MGAT4C: variants seen among roughly 807,000 people sequenced by gnomAD.
MGAT4C encodes the protein MGAT4 family member C.
A neutral mutation model predicts 40.1 loss-of-function variants in MGAT4C; 19 were observed. The ratio of observed to expected loss-of-function variants is 0.47; its 90% confidence interval spans 0.33 to 0.70. MGAT4C has a LOEUF of 0.70. Ranked by LOEUF, MGAT4C falls within the 30% of genes least tolerant of loss-of-function variation. The pLI is 0.02. For synonymous variants in MGAT4C, 181 were observed against 187.1 expected (o/e 0.97, Z 0.27); for missense variants, 491 against 563.2 (o/e 0.87, Z 1.30).
At chr12:86,230,451 T>C (rs1030073884) in intron 1 of MGAT4C, among the ~76,000 whole-genome samples, 23 of 152,164 alleles carry the variant, frequency 1.5e-4, no homozygotes, top group Non-Finnish European at 5.9e-5. Context: ...CCTTTTCAAT[T>C]ACATCCATCC....
intron 1 of MGAT4C, among the ~76,000 whole-genome samples, chr12:86,211,934 T>A (rs2135960875): frequency 6.6e-6 from 1 of 152,296 alleles, no homozygotes. Flanking sequence ...TTTAGTCCTT[T>A]AATTTTGGAG....
chr12:85,997,669 C>A (rs1341590295), intron 2 of MGAT4C, among the ~76,000 whole-genome samples: 1 of 152,206 alleles, frequency 6.6e-6, no homozygotes, highest in East Asian at 1.9e-4. Flanking sequence ...CTTAAGGCTC[C>A]AAAATTATCT....
intron 2 of MGAT4C, among the ~76,000 whole-genome samples, chr12:86,614,517 G>C (rs1159451744): frequency 6.6e-6 from 1 of 151,954 alleles, no homozygotes. Flanking sequence ...CAATTGTGTG[G>C]TAACATGTCA....
chr12:86,669,303 G>A (rs150335776), intron 2 of MGAT4C, among the ~76,000 whole-genome samples: 76 of 151,838 alleles, frequency 5.0e-4, no homozygotes, highest in Non-Finnish European at 8.7e-4. Context: ...CACCTTTCCT[G>A]TGCAGAGATC....
chr12:86,079,400 ACC>A (rs959446105), intron 1 of MGAT4C, among the ~76,000 whole-genome samples: 8 of 152,138 alleles, frequency 5.3e-5, no homozygotes, highest in African/African-American at 1.7e-4. Flanking sequence ...AAGTGAGGAA[ACC>A]CTGGTGGACT....
intron 3 of MGAT4C, among the ~76,000 whole-genome samples, chr12:86,385,474 A>G (rs965777188): frequency 2.0e-5 from 3 of 152,174 alleles, no homozygotes; most frequent in Admixed American, 2.0e-4. Context: ...CAGAGAAAGA[A>G]AAGAAAATAT....
At chr12:86,329,148 A>AT (rs1566293125) in intron 4 of MGAT4C, among the ~76,000 whole-genome samples, 1 of 151,182 alleles carries the variant, frequency 6.6e-6, no homozygotes, top group Non-Finnish European at 1.5e-5. Flanking sequence ...AAATAAATAA[A>AT]ATAGAACAAG....
intron 1 of MGAT4C, among the ~76,000 whole-genome samples, chr12:86,197,550 G>A (rs12309228): frequency 0.11 from 16,285 of 152,046 alleles, 1,833 homozygotes; most frequent in African/African-American, 0.29. Flanking sequence ...ATGGCAGTCC[G>A]CAGAGAGCAC....
chr12:86,778,448 C>T (rs1453785794), intron 1 of MGAT4C, among the ~76,000 whole-genome samples: 1 of 152,076 alleles, frequency 6.6e-6, no homozygotes, highest in Non-Finnish European at 1.5e-5. Flanking sequence ...AAACAGTAGA[C>T]CTGGCAACCT....
chr12:86,439,182 C>A (rs902777317), intron 2 of MGAT4C, among the ~76,000 whole-genome samples: 1 of 151,966 alleles, frequency 6.6e-6, no homozygotes, highest in African/African-American at 2.4e-5. Flanking sequence ...ACATTATTCT[C>A]ATCAGCCTAC....
At chr12:86,795,649 A>C (rs1423056661) in intron 1 of MGAT4C, among the ~76,000 whole-genome samples, 10 of 151,882 alleles carry the variant, frequency 6.6e-5, no homozygotes. Flanking sequence ...AGGGAGAGGT[A>C]CAGGAAGAAG....
At chr12:86,821,770 C>T (rs1043405616) in intron 1 of MGAT4C, among the ~76,000 whole-genome samples, 1 of 150,758 alleles carries the variant, frequency 6.6e-6, no homozygotes, top group African/African-American at 2.4e-5. Flanking sequence ...TTAGTAGTGT[C>T]TAATCAAAAA....
chr12:86,680,592 C>T (rs976685829), intron 2 of MGAT4C, among the ~76,000 whole-genome samples: 2 of 151,976 alleles, frequency 1.3e-5, no homozygotes, highest in Admixed American at 6.6e-5. Context: ...TTCACAGACA[C>T]GACTGCATTT....
chr12:86,427,333 T>C (rs188542153), intron 3 of MGAT4C, among the ~76,000 whole-genome samples: 24 of 152,144 alleles, frequency 1.6e-4, no homozygotes, highest in Admixed American at 8.5e-4. Context: ...ATTAATAGAG[T>C]TTAAAATGTG....
At chr12:86,039,406 CTTTG>C (rs1891583268) in intron 2 of MGAT4C, among the ~76,000 whole-genome samples, 1 of 152,062 alleles carries the variant, frequency 6.6e-6, no homozygotes, top group Admixed American at 6.6e-5. Flanking sequence ...TTCTTGGAGG[CTTTG>C]TTTGTTTCTT....
chr12:86,352,151 GT>G (rs1307958094), intron 3 of MGAT4C, among the ~76,000 whole-genome samples: 1 of 152,008 alleles, frequency 6.6e-6, no homozygotes, highest in Non-Finnish European at 1.5e-5. Flanking sequence ...TACTTGTACT[GT>G]CTAGTGCAGT....
chr12:86,394,613 A>G (rs1198722169), intron 3 of MGAT4C, among the ~76,000 whole-genome samples: 4 of 108,464 alleles, frequency 3.7e-5, no homozygotes, highest in Non-Finnish European at 6.3e-5. Flanking sequence ...ATATATATAT[A>G]CTTTATATAT....
chr12:86,684,548 G>C (rs1186187814), intron 2 of MGAT4C, among the ~76,000 whole-genome samples: 1 of 152,204 alleles, frequency 6.6e-6, no homozygotes, highest in Non-Finnish European at 1.5e-5. Context: ...TATATACCCA[G>C]TAATGGGATT....
chr12:86,658,737 T>C (rs974847943), intron 2 of MGAT4C, among the ~76,000 whole-genome samples: 5 of 152,148 alleles, frequency 3.3e-5, no homozygotes, highest in Admixed American at 1.3e-4. Context: ...TGTTAAATTG[T>C]ATTGTTGTTC....
Sources: allele counts gnomAD v4.1 joint callset (sites outside exome capture counted in the v4.1 genomes callset), GRCh38; gene constraint gnomAD v4.1.1; transcripts MANE v1.5; gene names NCBI Gene and HGNC (gene_info 2026-07-23, HGNC 2026-07-21).